The following SYT6 variants were observed in gnomAD, a reference collection of about 807,000 sequenced individuals.
SYT6 encodes the protein synaptotagmin 6, also known as synaptotagmin-6.
SYT6 carries 24 observed loss-of-function variants against 38.4 expected under a neutral mutation model. The observed-to-expected ratio is 0.62, with a 90% CI of 0.45 to 0.88. The LOEUF (loss-of-function observed/expected upper bound fraction) is 0.88. Ranked by LOEUF, SYT6 falls within the 40% of genes least tolerant of loss-of-function variation. The probability of loss-of-function intolerance (pLI) is 0.00; values close to 1 mark genes in which losing one functional copy is unlikely to be tolerated. For missense variants in SYT6, 611 were observed against 621.0 expected, an observed-to-expected ratio of 0.98 and a Z score of 0.17; for synonymous variants, 265 against 241.9, an observed-to-expected ratio of 1.10 and a Z score of -0.89.
chr1:114,097,751 C>T lies in SYT6; in HGVS notation c.1491G>A (p.Val497=), dbSNP rs547650988. Residue 497 remains valine, a synonymous_variant, in exon 6 of 8, where the codon GTG becomes GTA. Coordinates refer to ENST00000610222, the MANE Select transcript of SYT6 (RefSeq NM_001253772.2). ...RKPIAHWHSL[V]EVKKSFKEGN... ...CCTCTTTGAAGGATTTCTTTACCTC[C>T]ACCAAGGAGTGCCAGTGTGCGATGG... 1.6e-4 allele frequency: 259 copies of T among 1,614,174 alleles called. 1 individual carries two copies. In the South Asian group the frequency reaches 2.8e-3, roughly 17 times the overall value.
chr1:114,113,007 T>G (rs1221387349), intron 3 of SYT6, among the ~76,000 whole-genome samples: 1 of 152,184 alleles, frequency 6.6e-6, no homozygotes, highest in Admixed American at 6.5e-5. Context: ...ACAAGTGCCC[T>G]GAGGGGGATG....
chr1:114,148,318 G>C (rs1679259472), intron 1 of SYT6, among the ~76,000 whole-genome samples: 1 of 152,154 alleles, frequency 6.6e-6, no homozygotes, highest in South Asian at 2.1e-4. Flanking sequence ...AATCCATTTT[G>C]TAACAGTAAC....
chr1:114,126,280 G>A (rs933783702), intron 3 of SYT6, among the ~76,000 whole-genome samples: 1 of 152,184 alleles, frequency 6.6e-6, no homozygotes, highest in Non-Finnish European at 1.5e-5. Flanking sequence ...CCAAGTCCAT[G>A]AAAATATGGA....
Position 114,091,623 on chromosome 1 carries a change from G to A in SYT6, c.*511C>T, listed in dbSNP as rs1390435827. On this transcript the variant is annotated 3_prime_UTR_variant, in exon 8 of 8. Transcript: ENST00000610222. The stretch of plus-strand genomic sequence containing the variant: ...TCCCACCACGCCTCCTCCTTTTCCA[G>A]GGTTGTGGAGCTTGCTGGAGACGCA... 2 of 163,018 alleles carry A rather than the reference G, an allele frequency of 1.2e-5. No individual in the cohort carries two copies. Among genetic ancestry groups the A allele is most frequent in the African/African-American group, 2.4e-5 (1 of 41,954 alleles). The allele number at this position is 163,018 out of a possible 1,614,324, so 10.1% of individuals were successfully genotyped here. A position where few individuals can be genotyped will look rare whatever the true frequency, so the allele number is the denominator to read the frequency against.
chr1:114,111,861 G>C (rs556221521), intron 3 of SYT6, among the ~76,000 whole-genome samples: 3 of 152,160 alleles, frequency 2.0e-5, no homozygotes, highest in Non-Finnish European at 4.4e-5. Flanking sequence ...TGTGGGAGTG[G>C]GCACTCCTTC....
chr1:114,152,839 G>A (rs1210715016), intron 1 of SYT6: 2 of 152,234 alleles, frequency 1.3e-5, no homozygotes, highest in Non-Finnish European at 2.9e-5. Context: ...GTCCCGCGCA[G>A]GGTCAGCGCG....
chr1:114,115,678 G>A (rs1676952310), intron 3 of SYT6, among the ~76,000 whole-genome samples: 1 of 152,130 alleles, frequency 6.6e-6, no homozygotes. Flanking sequence ...GCCTCCCTAA[G>A]TGCTGGGATT....
chr1:114,153,663 C>A lies in SYT6; in HGVS notation c.110G>T (p.Cys37Phe). The change falls in exon 1 of 8, where the codon TGT (cysteine) becomes TTT (phenylalanine). Residue 37 changes from cysteine to phenylalanine, a missense_variant. By Grantham distance (205) the Cys-to-Phe change is radical (BLOSUM62 -2). Transcript: ENST00000610222. ...TGGGGGCTGCAGCTCGAAGCTCCGACAAGTCTCCACGTCCAGCCCGAGAGG... is the reference window on the plus strand; with the variant it reads ...TGGGGGCTGCAGCTCGAAGCTCCGAAAAGTCTCCACGTCCAGCCCGAGAGG... ...PPPLGLDVET[C>F]RSFELQPPER... 1.5e-6 allele frequency: 1 copy of A among 663,772 alleles called. No homozygotes were observed. The allele number at this position is 663,772 out of a possible 1,614,324, so 41.1% of individuals were successfully genotyped here. A position where few individuals can be genotyped will look rare whatever the true frequency, so the allele number is the denominator to read the frequency against.
intron 3 of SYT6, among the ~76,000 whole-genome samples, chr1:114,120,713 T>C (rs1342663638): frequency 6.6e-6 from 1 of 152,194 alleles, no homozygotes; most frequent in Non-Finnish European, 1.5e-5. Context: ...AGTGAGACAA[T>C]GTGTGCAAAA....
intron 3 of SYT6, among the ~76,000 whole-genome samples, chr1:114,113,596 C>A (rs528293212): frequency 1.3e-5 from 2 of 152,214 alleles, no homozygotes; most frequent in African/African-American, 4.8e-5. Flanking sequence ...AATGAGACAT[C>A]TTTGTGGACA....
At chr1:114,128,260 C>A (rs1039409056) in intron 3 of SYT6, among the ~76,000 whole-genome samples, 1 of 152,186 alleles carries the variant, frequency 6.6e-6, no homozygotes, top group Non-Finnish European at 1.5e-5. Flanking sequence ...CTGGCTTGGA[C>A]CTGCATGCGG....
At chr1:114,143,365 C>T (rs1269460964) in intron 1 of SYT6, among the ~76,000 whole-genome samples, 1 of 148,178 alleles carries the variant, frequency 6.7e-6, no homozygotes, top group African/African-American at 2.5e-5. Flanking sequence ...GTTTTAGATA[C>T]ATATATGTAT....
chr1:114,121,576 G>A (rs1677404609), intron 3 of SYT6, among the ~76,000 whole-genome samples: 1 of 152,174 alleles, frequency 6.6e-6, no homozygotes, highest in Non-Finnish European at 1.5e-5. Flanking sequence ...GTGGCTTTCT[G>A]TATTTTCTAA....
intron 3 of SYT6, among the ~76,000 whole-genome samples, chr1:114,130,219 C>A (rs548130792): frequency 5.9e-5 from 9 of 152,136 alleles, no homozygotes; most frequent in Admixed American, 5.9e-4. Context: ...TCATCTTCTC[C>A]ATGCCATTTA....
chr1:114,101,658 A>C (rs74112919), intron 4 of SYT6, among the ~76,000 whole-genome samples: 38,869 of 152,072 alleles, frequency 0.26, 5,214 homozygotes, highest in African/African-American at 0.28. Context: ...TCCATTCAAT[A>C]CCTAGCTTAG....
intron 1 of SYT6, among the ~76,000 whole-genome samples, chr1:114,140,447 G>A (rs1294966260): frequency 6.6e-6 from 1 of 151,880 alleles, no homozygotes; most frequent in African/African-American, 2.4e-5. Flanking sequence ...GTGATACCTT[G>A]GGGGGCAGAG....
intron 4 of SYT6, among the ~76,000 whole-genome samples, chr1:114,101,326 G>C (rs573428334): frequency 1.3e-5 from 2 of 152,278 alleles, no homozygotes; most frequent in South Asian, 2.1e-4. Flanking sequence ...CTAGTGGAAT[G>C]CTGGCCCCAG....
intron 1 of SYT6, among the ~76,000 whole-genome samples, chr1:114,150,423 T>C (rs1679387329): frequency 6.6e-6 from 1 of 152,152 alleles, no homozygotes; most frequent in Non-Finnish European, 1.5e-5. Flanking sequence ...GTACCTTTCC[T>C]CAAAAAGGGC....
At chr1:114,103,951 C>A (rs990686790) in intron 3 of SYT6, among the ~76,000 whole-genome samples, 1 of 152,254 alleles carries the variant, frequency 6.6e-6, no homozygotes, top group Non-Finnish European at 1.5e-5. Flanking sequence ...TATTCCCTCT[C>A]AATGTCAACC....
Sources: gnomAD v4.1 joint callset for allele counts (sites outside exome capture counted in the v4.1 genomes callset) on GRCh38, gnomAD v4.1.1 for gene constraint, MANE v1.5 for transcripts, NCBI Gene and HGNC (gene_info 2026-07-23, HGNC 2026-07-21) for gene names.